Variants in CNNM4 observed in about 807,000 individuals in gnomAD.
CNNM4 encodes cyclin and CBS domain divalent metal cation transport mediator 4, also known as metal transporter CNNM4.
In CNNM4, 32 loss-of-function variants were observed where a neutral mutation model predicts 53.7. That is an observed-to-expected ratio of 0.60 (90% CI 0.45 to 0.80). The LOEUF is 0.80. Ranked by LOEUF, CNNM4 falls within the 30% of genes least tolerant of loss-of-function variation. CNNM4 has a pLI of 0.00. For missense variants in CNNM4, 784 were observed against 1,022.0 expected (o/e 0.77, Z 3.17); for synonymous variants, 410 against 440.0 (o/e 0.93, Z 0.85).
At chr2:96,764,752 G>A (rs1040322308) in intron 1 of CNNM4, among the ~76,000 whole-genome samples, 20 of 152,016 alleles carry the variant, frequency 1.3e-4, no homozygotes, top group Non-Finnish European at 2.6e-4. Flanking sequence ...CTTTGGGAGG[G>A]CGAGGCGGAC....
chr2:96,799,526 C>G, intron 4 of CNNM4, 26 bp from the exon 5 acceptor site: 1 of 1,546,758 alleles, frequency 6.5e-7, no homozygotes, highest in Non-Finnish European at 8.8e-7. Flanking sequence ...CACTTGGTCT[C>G]TAACTCCAGC....
chr2:96,799,602 C>T lies in CNNM4; in HGVS notation c.1902C>T (p.Gly634=), dbSNP rs200110847. The part of the protein sequence containing the change: ...AGKENMKFET[G]AFSYYGTMAL... Reference sequence around the variant, plus strand: ...AGGAGAACATGAAGTTTGAGACGGGCGCCTTCTCCTACTATGGGACTATGG... The same window carrying T: ...AGGAGAACATGAAGTTTGAGACGGGTGCCTTCTCCTACTATGGGACTATGG... The change falls in exon 5 of 7, where the codon GGC becomes GGT. Residue 634 remains glycine (G), a synonymous_variant. Coordinates refer to ENST00000377075, the MANE Select transcript of CNNM4 (RefSeq NM_020184.4). 1.1e-4 allele frequency: 165 copies of T among 1,554,562 alleles called. 1 individual carries two copies. In the East Asian group the frequency reaches 3.8e-3, roughly 36 times the overall value.
At chr2:96,785,562 C>T (rs2079009601) in intron 1 of CNNM4, among the ~76,000 whole-genome samples, 1 of 151,718 alleles carries the variant, frequency 6.6e-6, no homozygotes, top group Non-Finnish European at 1.5e-5. Context: ...GTCCAGGAGG[C>T]CGAGGCTACA....
chr2:96,789,192 G>A (rs926602376), intron 1 of CNNM4, among the ~76,000 whole-genome samples: 12 of 152,230 alleles, frequency 7.9e-5, no homozygotes, highest in East Asian at 1.9e-4. Context: ...GATAGACGCC[G>A]GTCAGCCGAT....
At position 96,800,100 on chromosome 2, in the gene CNNM4, T is replaced by C. The variant is rs923868840; in HGVS notation, c.1948+452T>C. On this transcript the variant is annotated intron_variant, in intron 5 of 6. Transcript: ENST00000377075. This position sits in a 1 kb window ranked among gnomAD's most constrained non-coding sequence, Gnocchi z 4.6. The stretch of plus-strand genomic sequence containing the variant: ...GGTTTGGCTTTTCGGAGGACGCGGC[T>C]ACTGGGTTTTGGTTAGAGGTCAGCT... Among the ~76,000 whole-genome samples the C allele has an allele frequency of 3.3e-5, 5 of 152,096 alleles. No homozygotes were observed. Among genetic ancestry groups the C allele is most frequent in the Non-Finnish European group, 7.4e-5 (5 of 67,994 alleles).
intron 1 of CNNM4, among the ~76,000 whole-genome samples, chr2:96,766,418 G>T (rs2078819421): frequency 1.3e-5 from 2 of 152,066 alleles, no homozygotes; most frequent in South Asian, 2.1e-4. Flanking sequence ...CCACCATGGG[G>T]CCTTTGCCCT....
intron 3 of CNNM4, 152 bp from the exon 4 acceptor site, chr2:96,798,905 C>A: frequency 1.3e-6 from 1 of 768,094 alleles, no homozygotes; most frequent in Non-Finnish European, 2.2e-6. Context: ...TGCTCCCTCC[C>A]CAGGGAGGTG....
At chr2:96,798,994 G>A in intron 3 of CNNM4, 63 bp from the exon 4 acceptor site, 1 of 1,525,216 alleles carries the variant, frequency 6.6e-7, no homozygotes, top group Non-Finnish European at 9.1e-7. Flanking sequence ...AGGCACAGCA[G>A]TGATCGAGCT....
intron 1 of CNNM4, among the ~76,000 whole-genome samples, chr2:96,795,252 AGGCCTGGGGGCGGACCCCAGGGTCCC>A (rs898381124): frequency 3.3e-5 from 5 of 152,326 alleles, no homozygotes; most frequent in African/African-American, 9.6e-5. Flanking sequence ...GCAGGCACAG[AGGCCTGGGGGCGGACCCCAGGGTCCC>A]GGCCTGGCCC....
intron 1 of CNNM4, among the ~76,000 whole-genome samples, chr2:96,781,797 C>T (rs1484063460): frequency 6.6e-6 from 1 of 152,050 alleles, no homozygotes; most frequent in East Asian, 1.9e-4. Context: ...CCTGCTTAGT[C>T]TTCACCATGT....
At chr2:96,783,438 C>T (rs557777122) in intron 1 of CNNM4, among the ~76,000 whole-genome samples, 1 of 152,340 alleles carries the variant, frequency 6.6e-6, no homozygotes, top group African/African-American at 2.4e-5. Flanking sequence ...ATCCTGCTCC[C>T]AGGGACCAGC....
chr2:96,806,490 C>T (rs2079207031), intron 5 of CNNM4, among the ~76,000 whole-genome samples: 1 of 149,510 alleles, frequency 6.7e-6, no homozygotes, highest in Non-Finnish European at 1.5e-5. Flanking sequence ...TACTCTTCTT[C>T]CTTCCCTAGC....
Position 96,809,533 on chromosome 2 carries a change from C to T in CNNM4, c.*16C>T, listed in dbSNP as rs1447674575. ...TGCCATCTGACAGGAGGGCCCGGGG[C>T]CCCCTGCCCACCCTGCGGGGGCCTC... On this transcript the variant is annotated 3_prime_UTR_variant, in exon 7 of 7. Coordinates refer to ENST00000377075, the MANE Select transcript of CNNM4 (RefSeq NM_020184.4). 6.2e-7 allele frequency: 1 copy of T among 1,613,168 alleles called. No homozygotes were observed. The highest frequency in any genetic ancestry group is 1.1e-5 in the South Asian group (1 of 91,058).
chr2:96,796,839 C>T (rs1415125025), intron 1 of CNNM4, among the ~76,000 whole-genome samples, 173 bp from the exon 2 acceptor site: 1 of 152,196 alleles, frequency 6.6e-6, no homozygotes, highest in Non-Finnish European at 1.5e-5. Context: ...TTTTCCTTTT[C>T]ATAAAAGCAA....
At chr2:96,766,670 T>C (rs1447353939) in intron 1 of CNNM4, among the ~76,000 whole-genome samples, 1 of 152,214 alleles carries the variant, frequency 6.6e-6, no homozygotes, top group African/African-American at 2.4e-5. Flanking sequence ...CTCCTCCCAC[T>C]GGCATATAAG....
intron 1 of CNNM4, among the ~76,000 whole-genome samples, chr2:96,790,201 T>C (rs1474220955): frequency 1.3e-5 from 2 of 149,852 alleles, no homozygotes; most frequent in Non-Finnish European, 3.0e-5. Context: ...AGAGATGGGG[T>C]TTCACCGTGT....
intron 4 of CNNM4, 82 bp from the exon 5 acceptor site, chr2:96,799,470 C>T (rs2079138614): frequency 7.7e-7 from 1 of 1,305,624 alleles, no homozygotes; most frequent in South Asian, 1.3e-5. Flanking sequence ...CCCCACTGTC[C>T]CTTGTTCCTC....
chr2:96,763,353 C>T (rs139512926), intron 1 of CNNM4, among the ~76,000 whole-genome samples: 1 of 152,336 alleles, frequency 6.6e-6, no homozygotes, highest in Non-Finnish European at 1.5e-5. Context: ...CCTCCCATCT[C>T]TGCCATTCAG....
chr2:96,766,974 G>A (rs953066123), intron 1 of CNNM4, among the ~76,000 whole-genome samples: 2 of 152,170 alleles, frequency 1.3e-5, no homozygotes, highest in African/African-American at 4.8e-5. Flanking sequence ...AGTAGAGTTT[G>A]GGGCCTTGAG....
Sources: allele counts gnomAD v4.1 joint callset (sites outside exome capture counted in the v4.1 genomes callset), GRCh38; gene constraint gnomAD v4.1.1; non-coding constraint Gnocchi (gnomAD v3.1); transcripts MANE v1.5; gene names NCBI Gene and HGNC (gene_info 2026-07-23, HGNC 2026-07-21).